Variants in KMT2C observed in about 807,000 individuals in gnomAD.
The protein encoded by KMT2C is histone-lysine N-methyltransferase 2C.
Under a neutral mutation model 507.9 loss-of-function variants are expected in KMT2C, and 88 were observed. The ratio of observed to expected loss-of-function variants is 0.17; its 90% CI spans 0.15 to 0.21. The LOEUF is 0.21. Ranked by LOEUF, KMT2C falls within the 10% of genes least tolerant of loss-of-function variation. The pLI, the probability that KMT2C is intolerant of heterozygous loss-of-function variation, is 1.00. For synonymous variants in KMT2C, 2,049 were observed against 2,080.8 expected (o/e 0.98, Z 0.42); for missense variants, 4,954 against 5,957.8 (o/e 0.83, Z 5.55).
At chr7:152,342,218 T>C (rs1457843859) in intron 2 of KMT2C, among the ~76,000 whole-genome samples, 1 of 152,202 alleles carries the variant, frequency 6.6e-6, no homozygotes, top group African/African-American at 2.4e-5. Context: ...TCTAAGATTT[T>C]GATACATAAC....
chr7:152,340,604 TTAA>T (rs1263120850), intron 2 of KMT2C, among the ~76,000 whole-genome samples: 2 of 152,164 alleles, frequency 1.3e-5, no homozygotes, highest in Non-Finnish European at 1.5e-5. Context: ...TTGACACTGA[TTAA>T]TAATATGAAT....
intron 28 of KMT2C, among the ~76,000 whole-genome samples, chr7:152,194,922 G>A (rs2093918947): frequency 1.3e-5 from 2 of 151,466 alleles, no homozygotes; most frequent in Non-Finnish European, 2.9e-5. Context: ...TTGGAAAATA[G>A]TGTTATCAAA....
chr7:152,250,674 C>G (rs942264664), intron 12 of KMT2C, among the ~76,000 whole-genome samples, 179 bp downstream of exon 12: 1 of 152,170 alleles, frequency 6.6e-6, no homozygotes, highest in African/African-American at 2.4e-5. Context: ...TAGATGGTAG[C>G]TGAACTACAA....
At position 152,159,050 on chromosome 7, in the gene KMT2C, T is replaced by G; in HGVS notation, c.11483A>C (p.Gln3828Pro). 1.2e-6 allele frequency: 2 copies of G among 1,614,208 alleles called. No homozygotes were observed. Among genetic ancestry groups the G allele is most frequent in the Non-Finnish European group, 8.5e-7 (1 of 1,180,032 alleles). Residue 3828 changes from glutamine to proline, a missense_variant, in exon 44 of 59, where the codon CAA (glutamine) becomes CCA (proline). By Grantham distance (76) the Gln-to-Pro change is moderately conservative (BLOSUM62 -1). This residue lies in a region of KMT2C where 801 missense variants were observed against 751.2 expected (regional missense o/e 1.07). Transcript: ENST00000262189. ...CTGGTTGCCACATCCAAAACCACCTTGCATTTGAGCCCCCAAAGTTTGCTA... is the reference window on the plus strand; with the variant it reads ...CTGGTTGCCACATCCAAAACCACCTGGCATTTGAGCCCCCAAAGTTTGCTA... ...EGLQTLGAQM[Q>P]GGFGCGNQLP...
At chr7:152,246,408 A>C (rs1040994562) in intron 14 of KMT2C, among the ~76,000 whole-genome samples, 26 of 152,134 alleles carry the variant, frequency 1.7e-4, no homozygotes, top group African/African-American at 5.1e-4. Flanking sequence ...GACATGGCTC[A>C]TATAAGATGG....
intron 2 of KMT2C, among the ~76,000 whole-genome samples, chr7:152,346,598 A>T (rs2097059343): frequency 6.6e-6 from 1 of 152,214 alleles, no homozygotes; most frequent in African/African-American, 2.4e-5. Flanking sequence ...AAGTTATGGC[A>T]TTTAACACAT....
chr7:152,155,506 AT>A (rs2091980663), intron 46 of KMT2C, among the ~76,000 whole-genome samples: 1 of 152,204 alleles, frequency 6.6e-6, no homozygotes, highest in Admixed American at 6.5e-5. Flanking sequence ...GTTCTCTGAT[AT>A]AGCAACTTCT....
chr7:152,307,195 G>GGAAGGA (rs2096623006), intron 6 of KMT2C, among the ~76,000 whole-genome samples: 18 of 64,958 alleles, frequency 2.8e-4, no homozygotes, highest in South Asian at 6.5e-4. Flanking sequence ...AAAGAAGAGG[G>GGAAGGA]AGGAAGGAAG....
intron 49 of KMT2C, among the ~76,000 whole-genome samples, chr7:152,152,424 T>C (rs1272082159): frequency 6.6e-6 from 1 of 152,198 alleles, no homozygotes; most frequent in Admixed American, 6.5e-5. Context: ...GAACAAAAGC[T>C]GCTCAAGGGC....
chr7:152,297,051 AAGACAGAGAGAGAGAGAGAGAGAGAGAG>A (rs1201614367), intron 6 of KMT2C, among the ~76,000 whole-genome samples: 744 of 60,248 alleles, frequency 0.012, 26 homozygotes, highest in African/African-American at 0.047. Flanking sequence ...GAAAGAAAGA[AAGACAGAGAGAGAGAGAGAGAGAGAGAG>A]AGAGAGAGAG....
chr7:152,157,954 T>G (rs756690244), intron 44 of KMT2C: 1 of 1,292,272 alleles, frequency 7.7e-7, no homozygotes, highest in Non-Finnish European at 1.0e-6. Flanking sequence ...AAGAGTAATG[T>G]ACATGATAAA....
intron 16 of KMT2C, among the ~76,000 whole-genome samples, chr7:152,232,686 T>TGTTA (rs2095156868): frequency 6.6e-6 from 1 of 152,158 alleles, no homozygotes; most frequent in Non-Finnish European, 1.5e-5. Context: ...TGTATTGATG[T>TGTTA]GTTACATGCA....
intron 23 of KMT2C, among the ~76,000 whole-genome samples, chr7:152,213,798 G>T (rs2094510080): frequency 6.6e-6 from 1 of 150,542 alleles, no homozygotes; most frequent in Admixed American, 6.6e-5. Flanking sequence ...CAGGGATTAG[G>T]GGAAAATATT....
intron 49 of KMT2C, 131 bp downstream of exon 49, chr7:152,152,574 G>T (rs1287401854): frequency 1.8e-5 from 20 of 1,098,372 alleles, no homozygotes; most frequent in South Asian, 1.2e-4. Context: ...CCCACACATG[G>T]TAAGTTCACC....
intron 15 of KMT2C, among the ~76,000 whole-genome samples, chr7:152,236,714 C>G (rs1356838787): frequency 6.6e-6 from 1 of 152,124 alleles, no homozygotes; most frequent in Admixed American, 6.5e-5. Context: ...ATTTTTGAGA[C>G]AAGAACTTGC....
At chr7:152,168,086 T>C (rs1430747274) in intron 41 of KMT2C, among the ~76,000 whole-genome samples, 1 of 152,164 alleles carries the variant, frequency 6.6e-6, no homozygotes, top group African/African-American at 2.4e-5. Flanking sequence ...CTTCATTTTG[T>C]ACCAATATTC....
intron 3 of KMT2C, among the ~76,000 whole-genome samples, chr7:152,317,679 G>A (rs1239559044): frequency 1.3e-5 from 2 of 152,084 alleles, no homozygotes; most frequent in Middle Eastern, 6.3e-3. Context: ...CCACACAAAG[G>A]CTCCTCTTCA....
At chr7:152,213,389 TAC>T (rs2094499323) in intron 23 of KMT2C, among the ~76,000 whole-genome samples, 1 of 152,154 alleles carries the variant, frequency 6.6e-6, no homozygotes, top group African/African-American at 2.4e-5. Flanking sequence ...TGGAACTGAA[TAC>T]AGAGCCCAAA....
At chr7:152,196,110 G>A (rs1347076997) in intron 27 of KMT2C, 99 bp from the exon 28 acceptor site, 1 of 505,856 alleles carries the variant, frequency 2.0e-6, no homozygotes, top group African/African-American at 2.0e-5. Flanking sequence ...AGTGAGGCAA[G>A]TACTGGAATA....
Sources: allele counts gnomAD v4.1 joint callset (sites outside exome capture counted in the v4.1 genomes callset), GRCh38; gene constraint gnomAD v4.1.1; regional missense constraint gnomAD v4.1.1; transcripts MANE v1.5; gene names NCBI Gene and HGNC (gene_info 2026-07-23, HGNC 2026-07-21).